KANSL1L: variants seen among roughly 807,000 people sequenced by gnomAD.
The protein encoded by KANSL1L is KAT8 regulatory NSL complex subunit 1-like protein.
Under a neutral mutation model 108.6 loss-of-function variants are expected in KANSL1L, and 25 were observed. The ratio of observed to expected loss-of-function variants is 0.23; its 90% confidence interval spans 0.17 to 0.32. The LOEUF is 0.32. Among genes scored for constraint, KANSL1L ranks in the 10% least tolerant of loss-of-function variants. The pLI is 1.00. For missense variants in KANSL1L, 1,137 were observed against 1,125.7 expected, an observed-to-expected ratio of 1.01 and a Z score of -0.14; for synonymous variants, 405 against 395.1, an observed-to-expected ratio of 1.03 and a Z score of -0.30.
intron 1 of KANSL1L, among the ~76,000 whole-genome samples, chr2:210,157,444 C>A (rs2095339821): frequency 2.6e-5 from 4 of 152,054 alleles, no homozygotes; most frequent in Admixed American, 2.6e-4. Context: ...GCCTGTAATA[C>A]AAGCACTTTG....
chr2:210,100,838 G>A lies in KANSL1L; in HGVS notation c.1429-2631C>T, dbSNP rs1251614660. ...TTTTTTGTAGAGACAGGGTCTCCCTGTGTTGCCCAGGCTGGTCTCAAACTC... is the reference window on the plus strand; with the variant it reads ...TTTTTTGTAGAGACAGGGTCTCCCTATGTTGCCCAGGCTGGTCTCAAACTC... On this transcript the variant is annotated intron_variant, in intron 4 of 14. Coordinates refer to ENST00000281772, the MANE Select transcript of KANSL1L (RefSeq NM_152519.4). 2.6e-5 allele frequency among the ~76,000 whole-genome samples: 4 copies of A among 152,056 alleles called. 1 individual carries two copies. The South Asian group carries it at 6.2e-4, about 24-fold the overall frequency.
chr2:210,092,927 TG>T (rs1397523427), intron 5 of KANSL1L, among the ~76,000 whole-genome samples: 1 of 151,792 alleles, frequency 6.6e-6, no homozygotes, highest in South Asian at 2.1e-4. Context: ...ATAGGTTTTT[TG>T]TTTTTTTTTT....
chr2:210,159,213 G>A (rs759513408), intron 1 of KANSL1L, among the ~76,000 whole-genome samples: 1 of 152,114 alleles, frequency 6.6e-6, no homozygotes, highest in African/African-American at 2.4e-5. Context: ...CAGAAACACC[G>A]GCCTCTATGC....
At chr2:210,027,142 A>G (rs2093949190) in intron 12 of KANSL1L, among the ~76,000 whole-genome samples, 154 bp downstream of exon 12, 2 of 152,198 alleles carry the variant, frequency 1.3e-5, no homozygotes, top group Admixed American at 6.5e-5. Context: ...TTTTTCGAAT[A>G]TTCTTTTAAA....
intron 1 of KANSL1L, among the ~76,000 whole-genome samples, chr2:210,158,244 G>A (rs1426702382): frequency 6.6e-6 from 1 of 152,094 alleles, no homozygotes; most frequent in Admixed American, 6.5e-5. Context: ...CTTCCATCTG[G>A]CCACCCTCTC....
chr2:210,025,170 T>C lies in KANSL1L; in HGVS notation c.2498A>G (p.Tyr833Cys), dbSNP rs1183231941. ...DEVFSLRHKK[Y>C]EEREQARWSL... ...CCACCTGGCTTGCTCTCTCTCTTCA[T>C]ATTTTTTGTGCCTTAGGGAGAAGAC... The change falls in exon 13 of 15, where the codon TAT becomes TGT. Residue 833 changes from tyrosine to cysteine, a missense_variant. This residue lies in a region of KANSL1L where 575 missense variants were observed against 567.1 expected (regional missense o/e 1.01). Coordinates refer to ENST00000281772, the MANE Select transcript of KANSL1L (RefSeq NM_152519.4). 3 of 1,612,860 alleles carry C rather than the reference T, an allele frequency of 1.9e-6. No homozygotes were observed. Among genetic ancestry groups the C allele is most frequent in the African/African-American group, 2.7e-5 (2 of 74,924 alleles).
intron 2 of KANSL1L, among the ~76,000 whole-genome samples, chr2:210,145,348 A>G (rs1039599776): frequency 2.0e-5 from 3 of 152,218 alleles, no homozygotes; most frequent in Non-Finnish European, 2.9e-5. Context: ...GAGCATGTGT[A>G]GGAACCATGG....
chr2:210,039,167 T>TAGGGA lies in KANSL1L; in HGVS notation c.2029+1252_2029+1253insTCCCT, dbSNP rs1308654777. On this transcript the variant is annotated intron_variant, in intron 8 of 14. Coordinates refer to ENST00000281772, the MANE Select transcript of KANSL1L (RefSeq NM_152519.4). ...TTCTGTCTGAGATAAACTTCCAGAA[T>TAGGGA]AACTTCGTTCCAATAATACCTCTGA... Among the ~76,000 whole-genome samples the TAGGGA allele has an allele frequency of 5.3e-5, 8 of 152,090 alleles. No individual in the cohort carries two copies. The East Asian group carries it at 1.4e-3, about 26-fold the overall frequency.
upstream of KANSL1L, among the ~76,000 whole-genome samples, chr2:210,171,993 A>AT (rs1432572571): frequency 0.03 from 376 of 12,384 alleles, no homozygotes; most frequent in African/African-American, 0.045. Context: ...TGGTTTTATG[A>AT]TTAAAAAAAA....
rs1046867622 is a variant in KANSL1L, at chr2:210,058,616, G to A, written c.1756-14512C>T. ...TAGGAGGCTGAGGCAGGTGGATCAC[G>A]AGGTCAGGAGATCGAGCCCATCCTG... On this transcript the variant is annotated intron_variant, in intron 6 of 14. Transcript: ENST00000281772. Among the ~76,000 whole-genome samples, 5 of 151,986 alleles carry A rather than the reference G, an allele frequency of 3.3e-5. No homozygotes were observed. In the South Asian group the frequency reaches 6.2e-4, roughly 19 times the overall value.
intron 2 of KANSL1L, among the ~76,000 whole-genome samples, chr2:210,141,734 G>A (rs760090267): frequency 2.0e-5 from 3 of 152,170 alleles, no homozygotes; most frequent in Admixed American, 6.5e-5. Context: ...TTTATTGGTA[G>A]AGGTACATTC....
chr2:210,029,177 T>G, intron 10 of KANSL1L: 1 of 492,506 alleles, frequency 2.0e-6, no homozygotes, highest in East Asian at 3.8e-5. Flanking sequence ...TTGGTAGATG[T>G]GTAATGTGTA....
chr2:210,132,993 T>C (rs753510700), intron 2 of KANSL1L, among the ~76,000 whole-genome samples: 25 of 152,298 alleles, frequency 1.6e-4, no homozygotes, highest in Admixed American at 7.2e-4. Flanking sequence ...GTAAGGTTTT[T>C]CAGGTTTTCT....
intron 1 of KANSL1L, among the ~76,000 whole-genome samples, chr2:210,161,378 G>GA (rs1004198956): frequency 4.7e-5 from 7 of 149,462 alleles, no homozygotes; most frequent in East Asian, 3.9e-4. Context: ...CATCCATAGG[G>GA]AAAAAAAAAT....
intron 2 of KANSL1L, among the ~76,000 whole-genome samples, chr2:210,147,481 C>A (rs967845904): frequency 3.3e-5 from 5 of 152,074 alleles, no homozygotes; most frequent in Admixed American, 2.6e-4. Context: ...TAAAATATTT[C>A]TTTACCATTT....
At position 210,044,025 on chromosome 2, in the gene KANSL1L, T is replaced by C. The variant is rs2094197368; in HGVS notation, c.1835A>G (p.Tyr612Cys). Residue 612 changes from tyrosine (Y) to cysteine (C), a missense_variant, in exon 7 of 15, where the codon TAT (tyrosine) becomes TGT (cysteine). Tyr to Cys is a radical substitution (Grantham distance 194, BLOSUM62 -2). Coordinates refer to ENST00000281772, the MANE Select transcript of KANSL1L (RefSeq NM_152519.4). This position sits in a 1 kb window ranked among gnomAD's most constrained non-coding sequence, Gnocchi z 4.2. ...CLQSASTWSS[Y>C]EHNSESYLLR... ...TAGGTAAGACTCCGAATTGTGTTCA[T>C]AGCTACTCCAAGTTGAAGCTGATTG... 6.2e-7 allele frequency: 1 copy of C among 1,609,156 alleles called. No homozygotes were observed. Among genetic ancestry groups the C allele is most frequent in the Non-Finnish European group, 8.5e-7 (1 of 1,176,796 alleles).
In KANSL1L at chr2:210,022,310, C is replaced by T. The variant is rs1415285083; in HGVS notation, c.*639G>A. 1 of 152,186 alleles carries T rather than the reference C, an allele frequency of 6.6e-6. No homozygotes were observed. Among genetic ancestry groups the T allele is most frequent in the East Asian group, 1.9e-4 (1 of 5,198 alleles). The allele number at this position is 152,186 out of a possible 1,614,324, so 9.4% of individuals were successfully genotyped here. A position where few individuals can be genotyped will look rare whatever the true frequency, so the allele number is the denominator to read the frequency against. On this transcript the variant is annotated 3_prime_UTR_variant, in exon 15 of 15. Transcript: ENST00000281772. Reference sequence around the variant, plus strand: ...CTGTTGGTTAAACATGTTAAAACAACAACAACAACAACAAAAAACTTCTGT... The same window carrying T: ...CTGTTGGTTAAACATGTTAAAACAATAACAACAACAACAAAAAACTTCTGT...
At chr2:210,163,673 AAACT>A (rs1195963918) in intron 1 of KANSL1L, among the ~76,000 whole-genome samples, 1 of 152,172 alleles carries the variant, frequency 6.6e-6, no homozygotes, top group African/African-American at 2.4e-5. Flanking sequence ...AGAGAACACC[AAACT>A]ATCACTTAAT....
intron 6 of KANSL1L, among the ~76,000 whole-genome samples, chr2:210,072,360 T>G (rs779454815): frequency 6.6e-6 from 1 of 152,208 alleles, no homozygotes; most frequent in Non-Finnish European, 1.5e-5. Flanking sequence ...CCCTCACAGG[T>G]GACAGTAGTT....
Sources: allele counts gnomAD v4.1 joint callset (sites outside exome capture counted in the v4.1 genomes callset), GRCh38; gene constraint gnomAD v4.1.1; regional missense constraint gnomAD v4.1.1; non-coding constraint Gnocchi (gnomAD v3.1); transcripts MANE v1.5; gene names NCBI Gene and HGNC (gene_info 2026-07-23, HGNC 2026-07-21).